PAQR5: variants seen among roughly 807,000 people sequenced by gnomAD.
PAQR5 encodes the protein membrane progestin receptor gamma.
PAQR5 carries 20 observed loss-of-function variants against 34.5 expected under a neutral mutation model. The ratio of observed to expected loss-of-function variants is 0.58; its 90% CI spans 0.41 to 0.84. The LOEUF (loss-of-function observed/expected upper bound fraction) is 0.84, where lower values mean the gene tolerates loss of function less well. Ranked by LOEUF, PAQR5 falls within the 40% of genes least tolerant of loss-of-function variation. The pLI is 0.00. For missense variants in PAQR5, 378 were observed against 412.7 expected (o/e 0.92, Z 0.73); for synonymous variants, 131 against 155.6 (o/e 0.84, Z 1.18).
At chr15:69,386,145 C>G (rs2056101246) in intron 5 of PAQR5, among the ~76,000 whole-genome samples, 1 of 151,818 alleles carries the variant, frequency 6.6e-6, no homozygotes. Flanking sequence ...CATACACACT[C>G]ACACCACATA....
intron 3 of PAQR5, among the ~76,000 whole-genome samples, chr15:69,361,277 C>T (rs2055224780): frequency 6.6e-6 from 1 of 152,160 alleles, no homozygotes; most frequent in South Asian, 2.1e-4. Context: ...TATTGACTGC[C>T]TACTATGTGC....
At chr15:69,300,496 C>A (rs564157674) in intron 1 of PAQR5, among the ~76,000 whole-genome samples, 1 of 152,256 alleles carries the variant, frequency 6.6e-6, no homozygotes, top group African/African-American at 2.4e-5. Flanking sequence ...TCCCTTGGCA[C>A]CCTTACCCAC....
intron 5 of PAQR5, among the ~76,000 whole-genome samples, chr15:69,388,726 G>T (rs1794433524): frequency 6.6e-6 from 1 of 152,232 alleles, no homozygotes; most frequent in African/African-American, 2.4e-5. Context: ...GGCCAGCTTT[G>T]CTAGATCCAC....
intron 7 of PAQR5, 105 bp downstream of exon 7, chr15:69,397,669 CA>C: frequency 1.2e-6 from 1 of 809,128 alleles, no homozygotes; most frequent in Non-Finnish European, 2.2e-6. Flanking sequence ...AACCGCAGAA[CA>C]AAACAGGAGT....
chr15:69,388,922 C>T (rs1014756138), intron 5 of PAQR5, among the ~76,000 whole-genome samples: 2 of 152,248 alleles, frequency 1.3e-5, no homozygotes, highest in African/African-American at 2.4e-5. Flanking sequence ...CCCATCTCCC[C>T]AGCTGAAGCA....
chr15:69,349,211 C>T (rs574883465), intron 2 of PAQR5, among the ~76,000 whole-genome samples: 1 of 152,136 alleles, frequency 6.6e-6, no homozygotes, highest in Non-Finnish European at 1.5e-5. Context: ...AAACTCTGCT[C>T]GCCTGAGGAA....
In PAQR5 at chr15:69,300,940, T is replaced by TC. The variant is rs1555411138; in HGVS notation, c.-277+1884_-277+1885insC. Among the ~76,000 whole-genome samples, 21 of 35,566 alleles carry TC rather than the reference T, an allele frequency of 5.9e-4. 5 individuals are homozygous for TC. The highest frequency in any genetic ancestry group is 2.0e-3 in the Admixed American group (4 of 1,968). 23.3% of individuals were successfully genotyped at this position (35,566 alleles called of 152,430 possible). A position where few individuals can be genotyped will look rare whatever the true frequency, so the allele number is the denominator to read the frequency against. On this transcript the variant is annotated intron_variant, in intron 1 of 8. Coordinates refer to ENST00000395407, the MANE Select transcript of PAQR5 (RefSeq NM_017705.4). ...TTCTCTCTCTCTCTCTCTCTCTCTC[T>TC]TTCTTTCCTTCTTTCTTTCTTTCTT... is the stretch of plus-strand genomic sequence containing the variant.
At chr15:69,396,809 C>CCTCTCTTCTCAACAATCAGCAT (rs1160914658) in intron 6 of PAQR5, 1 of 269,320 alleles carries the variant, frequency 3.7e-6, no homozygotes, top group East Asian at 1.1e-4. Context: ...GGGGGACCTG[C>CCTCTCTTCTCAACAATCAGCAT]CTCTCTTCTC....
rs1259097752 is a variant in PAQR5, at chr15:69,360,910, G to A, written c.51+779G>A. 2.6e-5 allele frequency among the ~76,000 whole-genome samples: 4 copies of A among 152,254 alleles called. No individual in the cohort carries two copies. In the East Asian group the frequency reaches 7.7e-4, roughly 29 times the overall value. On this transcript the variant is annotated intron_variant, in intron 3 of 8. Coordinates refer to ENST00000395407, the MANE Select transcript of PAQR5 (RefSeq NM_017705.4). ...TACCAAGCACTTATGACTTGCCCCA[G>A]AAAAATAAGTTTGAAATAAACTCAA...
chr15:69,366,117 A>G (rs964141213), intron 3 of PAQR5, among the ~76,000 whole-genome samples: 1 of 152,200 alleles, frequency 6.6e-6, no homozygotes, highest in African/African-American at 2.4e-5. Flanking sequence ...GCCATTTTCT[A>G]TTCCCTTAGT....
chr15:69,303,112 CAGTTAACACGTGCTG>C (rs1390419008), intron 1 of PAQR5, among the ~76,000 whole-genome samples: 2 of 152,144 alleles, frequency 1.3e-5, no homozygotes, highest in Non-Finnish European at 2.9e-5. Context: ...AGTAGGTGCT[CAGTTAACACGTGCTG>C]AGTAGATGAA....
At chr15:69,395,030 C>G (rs1464712981) in intron 6 of PAQR5, among the ~76,000 whole-genome samples, 4 of 152,230 alleles carry the variant, frequency 2.6e-5, no homozygotes, top group African/African-American at 7.2e-5. Flanking sequence ...GGGGGATGGC[C>G]TTCGCCAGCC....
intron 6 of PAQR5, among the ~76,000 whole-genome samples, chr15:69,395,163 A>AGGGTC (rs1409956757): frequency 6.6e-6 from 1 of 152,152 alleles, no homozygotes; most frequent in African/African-American, 2.4e-5. Flanking sequence ...GCGGCAGGGC[A>AGGGTC]GGGTCTGCCG....
intron 2 of PAQR5, among the ~76,000 whole-genome samples, chr15:69,349,814 G>C (rs2054866591): frequency 6.6e-6 from 1 of 151,832 alleles, no homozygotes; most frequent in Non-Finnish European, 1.5e-5. Flanking sequence ...GCTAATTTTT[G>C]TATTTTTAGA....
chr15:69,322,792 A>G (rs1413615403), intron 1 of PAQR5, among the ~76,000 whole-genome samples: 4 of 138,852 alleles, frequency 2.9e-5, no homozygotes, highest in Admixed American at 7.4e-5. Context: ...GAAGACGAGG[A>G]AGAAGAAGAA....
chr15:69,376,713 G>A (rs181692087), intron 3 of PAQR5, among the ~76,000 whole-genome samples: 169 of 152,266 alleles, frequency 1.1e-3, no homozygotes, highest in Middle Eastern at 3.4e-3. Flanking sequence ...ATGGAGGCAG[G>A]TTTTTTTAAT....
intron 1 of PAQR5, among the ~76,000 whole-genome samples, chr15:69,330,116 T>C (rs1261139772): frequency 2.0e-5 from 3 of 152,212 alleles, no homozygotes; most frequent in Non-Finnish European, 4.4e-5. Context: ...AAGCTCTATG[T>C]GCCTCTCCCC....
intron 8 of PAQR5, among the ~76,000 whole-genome samples, chr15:69,401,834 C>A (rs545095553): frequency 6.6e-6 from 1 of 152,288 alleles, no homozygotes; most frequent in Non-Finnish European, 1.5e-5. Context: ...GTGGCCAGGC[C>A]GGTTCATTCC....
intron 1 of PAQR5, among the ~76,000 whole-genome samples, chr15:69,301,859 A>AGTTTTTTTTTT (rs2053611736): frequency 2.0e-5 from 2 of 98,870 alleles, no homozygotes; most frequent in Non-Finnish European, 3.6e-5. Context: ...ATGGGGGGAG[A>AGTTTTTTTTTT]TTTTTTTTTT....
Sources: gnomAD v4.1 joint callset for allele counts (sites outside exome capture counted in the v4.1 genomes callset) on GRCh38, gnomAD v4.1.1 for gene constraint, MANE v1.5 for transcripts, NCBI Gene and HGNC (gene_info 2026-07-23, HGNC 2026-07-21) for gene names.